Variants in COL21A1 observed in about 807,000 individuals in gnomAD.
COL21A1 encodes collagen type XXI alpha 1 chain.
In COL21A1, 149 loss-of-function variants were observed where a neutral mutation model predicts 137.9. The ratio of observed to expected loss-of-function variants is 1.08; its 90% CI spans 0.95 to 1.24. COL21A1 has a LOEUF of 1.24. COL21A1 is among the 50% of genes most tolerant of loss of function. The pLI is 0.00. For synonymous variants in COL21A1, 456 were observed against 391.5 expected, an observed-to-expected ratio of 1.16 and a Z score of -1.95; for missense variants, 1,167 against 1,158.4, an observed-to-expected ratio of 1.01 and a Z score of -0.11.
chr6:56,082,449 T>C (rs989340665), intron 17 of COL21A1, among the ~76,000 whole-genome samples: 7 of 151,992 alleles, frequency 4.6e-5, no homozygotes, highest in African/African-American at 1.7e-4. Flanking sequence ...TCTGATCCTC[T>C]GAAAGCCTGA....
At chr6:56,309,555 A>G (rs1764557077) in intron 1 of COL21A1, among the ~76,000 whole-genome samples, 1 of 152,172 alleles carries the variant, frequency 6.6e-6, no homozygotes, top group Non-Finnish European at 1.5e-5. Context: ...CAGGATTTTT[A>G]TATTTCTGCC....
chr6:56,185,870 A>G (rs1778258139), intron 1 of COL21A1, among the ~76,000 whole-genome samples: 1 of 152,164 alleles, frequency 6.6e-6, no homozygotes, highest in African/African-American at 2.4e-5. Flanking sequence ...TTCTTCCAAC[A>G]ATTTCTACAA....
At chr6:56,374,672 A>C (rs902644632) in intron 1 of COL21A1, among the ~76,000 whole-genome samples, 6 of 150,866 alleles carry the variant, frequency 4.0e-5, no homozygotes, top group Non-Finnish European at 8.9e-5. Context: ...CAGTGAGCCA[A>C]GATCGCATCA....
intron 24 of COL21A1, among the ~76,000 whole-genome samples, chr6:56,063,075 T>C (rs1485381079): frequency 1.3e-5 from 2 of 152,134 alleles, no homozygotes; most frequent in African/African-American, 4.8e-5. Flanking sequence ...CAACAGCTGC[T>C]CTGGCCCTGG....
chr6:56,177,227 T>G (rs1337462899), intron 3 of COL21A1, among the ~76,000 whole-genome samples: 1 of 151,978 alleles, frequency 6.6e-6, no homozygotes, highest in Non-Finnish European at 1.5e-5. Context: ...TCCAGAGAAA[T>G]AATAGGTCCA....
At chr6:56,136,270 C>T (rs1280066520) in intron 12 of COL21A1, among the ~76,000 whole-genome samples, 3 of 152,288 alleles carry the variant, frequency 2.0e-5, no homozygotes, top group East Asian at 1.9e-4. Context: ...TTGATTTAAG[C>T]CACAAGCATG....
chr6:56,312,985 C>T (rs893564184), intron 1 of COL21A1, among the ~76,000 whole-genome samples: 2 of 152,104 alleles, frequency 1.3e-5, no homozygotes, highest in African/African-American at 2.4e-5. Context: ...CATAGCCTTC[C>T]GCACTAGGAA....
Position 56,102,322 on chromosome 6 carries a change from T to C in COL21A1, c.1759-797A>G, listed in dbSNP as rs559295835. Among the ~76,000 whole-genome samples the C allele has an allele frequency of 2.1e-4, 32 of 152,264 alleles. 1 individual carries two copies. In the South Asian group the frequency reaches 6.4e-3, roughly 31 times the overall value. ...GCAAGGAAGAGCCTGTTGACACATA[T>C]ACACACATGTACACACCCCAGACTT... On this transcript the variant is annotated intron_variant, in intron 16 of 29. Transcript: ENST00000244728.
At chr6:56,252,566 T>C (rs1179523277), upstream of COL21A1, among the ~76,000 whole-genome samples, 1 of 152,246 alleles carries the variant, frequency 6.6e-6, no homozygotes, top group Non-Finnish European at 1.5e-5. Flanking sequence ...TATCAGGAAC[T>C]ACTTAGCATC....
At chr6:56,069,640 T>C (rs2114088260) in intron 21 of COL21A1, among the ~76,000 whole-genome samples, 1 of 150,066 alleles carries the variant, frequency 6.7e-6, no homozygotes, top group South Asian at 2.1e-4. Flanking sequence ...ATATAGTTAA[T>C]AAAATGTGCT....
At chr6:56,096,346 G>A (rs1769323899) in intron 17 of COL21A1, among the ~76,000 whole-genome samples, 1 of 151,992 alleles carries the variant, frequency 6.6e-6, no homozygotes, top group South Asian at 2.1e-4. Context: ...TCCTCAATTA[G>A]TACAATGTCT....
At chr6:56,095,342 A>C (rs889626212) in intron 17 of COL21A1, among the ~76,000 whole-genome samples, 3 of 152,118 alleles carry the variant, frequency 2.0e-5, no homozygotes, top group African/African-American at 7.2e-5. Context: ...TCTTACCCGC[A>C]TCTAATGGAT....
At chr6:56,183,997 C>T (rs1778096294) in intron 1 of COL21A1, among the ~76,000 whole-genome samples, 1 of 151,906 alleles carries the variant, frequency 6.6e-6, no homozygotes, top group Non-Finnish European at 1.5e-5. Flanking sequence ...AAAAATGAAA[C>T]CCCAAGGCAT....
intron 1 of COL21A1, among the ~76,000 whole-genome samples, chr6:56,292,993 A>T (rs1285560614): frequency 6.6e-6 from 1 of 152,212 alleles, no homozygotes; most frequent in African/African-American, 2.4e-5. Context: ...AAAAATTTAT[A>T]GTATGCTTTT....
At chr6:56,194,118 T>C (rs1454921111) in intron 1 of COL21A1, among the ~76,000 whole-genome samples, 1 of 152,186 alleles carries the variant, frequency 6.6e-6, no homozygotes, top group Non-Finnish European at 1.5e-5. Context: ...ACCACCTTTC[T>C]TCCCAAAAGC....
At chr6:56,380,119 C>A (rs759309647) in intron 1 of COL21A1, among the ~76,000 whole-genome samples, 1 of 152,134 alleles carries the variant, frequency 6.6e-6, no homozygotes, top group Non-Finnish European at 1.5e-5. Flanking sequence ...TTGGTGCAAC[C>A]CCCTCTAGTT....
At chr6:56,314,441 G>T (rs1764684065) in intron 1 of COL21A1, among the ~76,000 whole-genome samples, 1 of 152,068 alleles carries the variant, frequency 6.6e-6, no homozygotes, top group Admixed American at 6.6e-5. Context: ...CATTGAGTAA[G>T]TCTAATTGTA....
chr6:56,257,072 G>T (rs1782990413), intron 1 of COL21A1, among the ~76,000 whole-genome samples: 1 of 152,116 alleles, frequency 6.6e-6, no homozygotes, highest in African/African-American at 2.4e-5. Flanking sequence ...CAAGTTCTGT[G>T]AGGTCTCACA....
chr6:56,371,494 A>G (rs1332675566), intron 1 of COL21A1, among the ~76,000 whole-genome samples: 2 of 152,100 alleles, frequency 1.3e-5, no homozygotes, highest in South Asian at 4.2e-4. Context: ...CCTTCAACCC[A>G]AGTTCCCCCC....
Sources: allele counts gnomAD v4.1 joint callset (sites outside exome capture counted in the v4.1 genomes callset), GRCh38; gene constraint gnomAD v4.1.1; transcripts MANE v1.5; gene names NCBI Gene and HGNC (gene_info 2026-07-23, HGNC 2026-07-21).